The following TUSC3 variants were observed in gnomAD, a reference collection of about 807,000 sequenced individuals.
The protein encoded by TUSC3 is dolichyl-diphosphooligosaccharide--protein glycosyltransferase subunit TUSC3.
In TUSC3, 45 loss-of-function variants were observed where a neutral mutation model predicts 44.8. That is an observed-to-expected ratio of 1.00 (90% CI 0.79 to 1.29). The LOEUF (loss-of-function observed/expected upper bound fraction) is 1.29, where lower values mean the gene tolerates loss of function less well. TUSC3 is among the 50% of genes most tolerant of loss of function. The probability of loss-of-function intolerance (pLI) is 0.00; values close to 1 mark genes in which losing one functional copy is unlikely to be tolerated. For missense variants in TUSC3, 519 were observed against 437.9 expected, an observed-to-expected ratio of 1.19 and a Z score of -1.65; for synonymous variants, 212 against 152.9, an observed-to-expected ratio of 1.39 and a Z score of -2.85.
chr8:15,504,076 C>G (rs566854389), intron 2 of TUSC3, among the ~76,000 whole-genome samples: 2 of 151,836 alleles, frequency 1.3e-5, no homozygotes, highest in South Asian at 2.1e-4. Flanking sequence ...CTATCCACTG[C>G]TCGCTTCAGA....
the TUSC3 span, among the ~76,000 whole-genome samples, chr8:15,781,152 G>C: frequency 6.6e-6 from 1 of 152,112 alleles, no homozygotes; most frequent in African/African-American, 2.4e-5. Flanking sequence ...CATTTTTCCT[G>C]GAAGGAAGGG....
intron 1 of TUSC3, among the ~76,000 whole-genome samples, chr8:15,596,754 T>C (rs193176496): frequency 6.6e-6 from 1 of 152,264 alleles, no homozygotes; most frequent in East Asian, 1.9e-4. Context: ...GTTGCTGAAC[T>C]GATTGGATAT....
intron 1 of TUSC3, among the ~76,000 whole-genome samples, chr8:15,593,078 T>C (rs1180543364): frequency 6.6e-6 from 1 of 152,136 alleles, no homozygotes; most frequent in Non-Finnish European, 1.5e-5. Flanking sequence ...TATATTAATG[T>C]GCTTTTTAAA....
At chr8:15,456,106 C>G (rs1437090583) in intron 1 of TUSC3, among the ~76,000 whole-genome samples, 6 of 152,192 alleles carry the variant, frequency 3.9e-5, no homozygotes, top group African/African-American at 1.4e-4. Flanking sequence ...CAATCAGCAG[C>G]AAGCAGCAAT....
intron 1 of TUSC3, among the ~76,000 whole-genome samples, chr8:15,618,927 G>C (rs1805116337): frequency 6.6e-6 from 1 of 152,080 alleles, no homozygotes; most frequent in African/African-American, 2.4e-5. Flanking sequence ...TTTGTGTATG[G>C]AGTCTGTTGT....
chr8:15,553,169 T>C (rs374134204), intron 1 of TUSC3, among the ~76,000 whole-genome samples: 35 of 151,822 alleles, frequency 2.3e-4, no homozygotes, highest in African/African-American at 7.9e-4. Context: ...ACTGAGATGT[T>C]TGAGAAGCAG....
At chr8:15,433,850 G>T (rs1226979959) in intron 1 of TUSC3, among the ~76,000 whole-genome samples, 1 of 152,114 alleles carries the variant, frequency 6.6e-6, no homozygotes, top group Admixed American at 6.6e-5. Context: ...ATTTTTTCCA[G>T]TTGGGGGTCA....
chr8:15,746,296 C>G (rs1471211150), intron 8 of TUSC3, among the ~76,000 whole-genome samples: 1 of 152,008 alleles, frequency 6.6e-6, no homozygotes, highest in Non-Finnish European at 1.5e-5. Flanking sequence ...AACTCCAGCT[C>G]CCAGCCACCC....
At chr8:15,579,387 T>C (rs1317147005) in intron 1 of TUSC3, among the ~76,000 whole-genome samples, 3 of 127,004 alleles carry the variant, frequency 2.4e-5, no homozygotes, top group Non-Finnish European at 5.0e-5. Context: ...CTTGCTTTTC[T>C]AGTTCTTTTA....
the TUSC3 span, chr8:15,806,472 A>C: frequency 1.1e-6 from 1 of 887,786 alleles, no homozygotes; most frequent in Non-Finnish European, 1.9e-6. Context: ...CCCTTATGCA[A>C]ACAGGTGTCG....
At chr8:15,726,277 A>C (rs994718699) in intron 6 of TUSC3, among the ~76,000 whole-genome samples, 3 of 152,270 alleles carry the variant, frequency 2.0e-5, no homozygotes, top group South Asian at 2.1e-4. Context: ...TAGAAACACT[A>C]ATATTAAACA....
intron 5 of TUSC3, among the ~76,000 whole-genome samples, chr8:15,670,184 G>A (rs1807881341): frequency 6.6e-6 from 1 of 151,856 alleles, no homozygotes; most frequent in South Asian, 2.1e-4. Flanking sequence ...TCTTGATCTT[G>A]AGTAGAATTT....
At chr8:15,738,835 T>TTTCTTTC (rs1378588360) in intron 7 of TUSC3, among the ~76,000 whole-genome samples, 25 of 126,474 alleles carry the variant, frequency 2.0e-4, no homozygotes, top group Non-Finnish European at 2.2e-4. Context: ...TGCTTTTTTT[T>TTTCTTTC]TTTTTTTTTT....
chr8:15,785,541 C>T, the TUSC3 span, among the ~76,000 whole-genome samples: 2 of 151,622 alleles, frequency 1.3e-5, 1 homozygote, highest in South Asian at 4.2e-4. Context: ...CTGAGACTCT[C>T]AGGACAGGGG....
intron 9 of TUSC3, among the ~76,000 whole-genome samples, chr8:15,750,574 C>T (rs1811654913): frequency 6.6e-6 from 1 of 151,468 alleles, no homozygotes; most frequent in Non-Finnish European, 1.5e-5. Context: ...TAATAACTCT[C>T]TACTGCTCTG....
chr8:15,516,808 G>GGGACT (rs1801221865), intron 2 of TUSC3, among the ~76,000 whole-genome samples: 1 of 151,954 alleles, frequency 6.6e-6, no homozygotes, highest in South Asian at 2.1e-4. Context: ...TATAAAAATG[G>GGGACT]GGACTATCCA....
intron 2 of TUSC3, among the ~76,000 whole-genome samples, chr8:15,639,519 G>T (rs934750560): frequency 1.3e-5 from 2 of 152,080 alleles, no homozygotes; most frequent in Non-Finnish European, 2.9e-5. Context: ...TGAAATAAAT[G>T]AAAAAATGAC....
At chr8:15,773,802 G>C in the TUSC3 span, among the ~76,000 whole-genome samples, 308 of 152,240 alleles carry the variant, frequency 2.0e-3, 1 homozygote, top group Middle Eastern at 0.014. Flanking sequence ...CCTCTCTATT[G>C]ATTTTCAACA....
Position 15,574,849 on chromosome 8 carries a change from A to G in TUSC3, c.138+34281A>G, listed in dbSNP as rs538370258. Among the ~76,000 whole-genome samples, 17 of 152,296 alleles carry G rather than the reference A, an allele frequency of 1.1e-4. No homozygotes were observed. In the South Asian group the frequency reaches 3.3e-3, roughly 30 times the overall value. On this transcript the variant is annotated intron_variant, in intron 1 of 10. Coordinates refer to ENST00000503731, the MANE Select transcript of TUSC3 (RefSeq NM_006765.4). ...AATCACTTGGAAAACATTTAGAGCAATCAGCCAGTTAGAACCTAATAAACA... is the reference window on the plus strand; with the variant it reads ...AATCACTTGGAAAACATTTAGAGCAGTCAGCCAGTTAGAACCTAATAAACA...
Sources: allele counts gnomAD v4.1 joint callset (sites outside exome capture counted in the v4.1 genomes callset), GRCh38; gene constraint gnomAD v4.1.1; transcripts MANE v1.5; gene names NCBI Gene and HGNC (gene_info 2026-07-23, HGNC 2026-07-21).